The following OR3A2 variants were observed in gnomAD, a reference collection of about 807,000 sequenced individuals.
The protein encoded by OR3A2 is olfactory receptor 3A2.
For missense variants in OR3A2, 318 were observed against 392.8 expected (o/e 0.81, Z 1.61); for synonymous variants, 126 against 159.3 (o/e 0.79, Z 1.57).
At chr17:3,314,887 T>C (rs1156364471) in intron 3 of OR3A2, among the ~76,000 whole-genome samples, 1 of 152,164 alleles carries the variant, frequency 6.6e-6, no homozygotes, top group Non-Finnish European at 1.5e-5. Context: ...TGTTCTCATA[T>C]TTATGTCCAT....
intron 3 of OR3A2, among the ~76,000 whole-genome samples, chr17:3,333,437 T>C (rs2049255373): frequency 2.0e-5 from 3 of 152,210 alleles, no homozygotes; most frequent in African/African-American, 4.8e-5. Flanking sequence ...GTGATCTTTA[T>C]TGGCCTCAGA....
chr17:3,304,613 T>G (rs1453592794), intron 3 of OR3A2, among the ~76,000 whole-genome samples: 1 of 152,236 alleles, frequency 6.6e-6, no homozygotes, highest in East Asian at 1.9e-4. Flanking sequence ...TTCATCATCA[T>G]GGCCAGAGTA....
chr17:3,286,292 C>A (rs1045801607), upstream of OR3A2, among the ~76,000 whole-genome samples: 5 of 152,186 alleles, frequency 3.3e-5, no homozygotes, highest in African/African-American at 1.2e-4. Context: ...ATATGTGCCA[C>A]ATTTTCTTTA....
chr17:3,317,994 T>A (rs1269748964), intron 3 of OR3A2, among the ~76,000 whole-genome samples: 1 of 151,982 alleles, frequency 6.6e-6, no homozygotes, highest in Non-Finnish European at 1.5e-5. Flanking sequence ...CCACTTCAGT[T>A]TATTTTGGCG....
intron 3 of OR3A2, among the ~76,000 whole-genome samples, chr17:3,326,521 T>C (rs986361293): frequency 2.0e-5 from 3 of 151,762 alleles, no homozygotes; most frequent in Non-Finnish European, 4.4e-5. Context: ...AAATTAATAC[T>C]TTTATAATTT....
intron 3 of OR3A2, among the ~76,000 whole-genome samples, chr17:3,333,895 A>G (rs888600155): frequency 2.6e-5 from 4 of 152,196 alleles, no homozygotes; most frequent in African/African-American, 9.7e-5. Flanking sequence ...AAGGAACTTA[A>G]ACAAATTTAC....
At chr17:3,335,512 T>C (rs1365035709) in intron 3 of OR3A2, among the ~76,000 whole-genome samples, 2 of 152,246 alleles carry the variant, frequency 1.3e-5, no homozygotes, top group South Asian at 2.1e-4. Flanking sequence ...AATTTATGCA[T>C]ATATTAAATT....
At chr17:3,288,484 T>C (rs804242), upstream of OR3A2, among the ~76,000 whole-genome samples, 112,891 of 151,926 alleles carry the variant, frequency 0.74, 42,508 homozygotes, top group East Asian at 1. Context: ...AAGCGATGTT[T>C]GCACAACACA....
intron 3 of OR3A2, among the ~76,000 whole-genome samples, chr17:3,319,150 C>A (rs1354457238): frequency 6.6e-6 from 1 of 152,044 alleles, no homozygotes; most frequent in Non-Finnish European, 1.5e-5. Context: ...CTAATTAATT[C>A]ATTTATTTAG....
chr17:3,323,634 T>A (rs375474872), intron 3 of OR3A2, among the ~76,000 whole-genome samples: 1 of 152,126 alleles, frequency 6.6e-6, no homozygotes, highest in Non-Finnish European at 1.5e-5. Flanking sequence ...TTTGGCTGGA[T>A]ATGAAATTCT....
At chr17:3,323,999 C>G (rs2049148450) in intron 3 of OR3A2, among the ~76,000 whole-genome samples, 2 of 152,122 alleles carry the variant, frequency 1.3e-5, no homozygotes, top group African/African-American at 4.8e-5. Flanking sequence ...GTACACCAAT[C>G]AGACATAGAT....
At chr17:3,364,018 T>A (rs2049542018) in intron 2 of OR3A2, among the ~76,000 whole-genome samples, 4 of 152,164 alleles carry the variant, frequency 2.6e-5, no homozygotes, top group Admixed American at 2.0e-4. Flanking sequence ...CAATTCGACA[T>A]GAGATTTGGG....
chr17:3,317,315 G>T (rs28508449), intron 3 of OR3A2, among the ~76,000 whole-genome samples: 23,054 of 152,220 alleles, frequency 0.15, 2,321 homozygotes, highest in African/African-American at 0.28. Flanking sequence ...TTAGACTATG[G>T]TTGTAAAATC....
At position 3,346,951 on chromosome 17, in the gene OR3A2, A is replaced by C. The variant is rs9903713; in HGVS notation, c.-178-10825T>G. Among the ~76,000 whole-genome samples the C allele has an allele frequency of 1.7e-3, 254 of 152,276 alleles. 1 individual carries two copies. The highest frequency in any genetic ancestry group is 5.6e-3 in the African/African-American group (233 of 41,544). Reference sequence around the variant, plus strand: ...TCCATTTGTCTGTTGATGGACACTTAGGTTGCCTCCCAAAGCTTGGCTATT... The same window carrying C: ...TCCATTTGTCTGTTGATGGACACTTCGGTTGCCTCCCAAAGCTTGGCTATT... On this transcript the variant is annotated intron_variant, in intron 2 of 4. Transcript: ENST00000573491.
intron 3 of OR3A2, among the ~76,000 whole-genome samples, chr17:3,314,370 A>G (rs754980413): frequency 2.6e-5 from 4 of 152,258 alleles, no homozygotes; most frequent in Non-Finnish European, 4.4e-5. Context: ...CTATGCAAAT[A>G]TAAATAATTC....
intron 3 of OR3A2, among the ~76,000 whole-genome samples, chr17:3,323,125 T>C (rs1012042409): frequency 6.6e-6 from 1 of 152,172 alleles, no homozygotes; most frequent in Admixed American, 6.5e-5. Context: ...CGTTAAGTAA[T>C]GGCCTTGTCT....
intron 3 of OR3A2, among the ~76,000 whole-genome samples, chr17:3,293,568 A>G (rs1442525271): frequency 1.3e-5 from 2 of 152,196 alleles, no homozygotes; most frequent in African/African-American, 4.8e-5. Flanking sequence ...AAACCTGCAC[A>G]TCATATAAAC....
chr17:3,321,398 C>A (rs929420182), intron 3 of OR3A2, among the ~76,000 whole-genome samples: 2 of 152,026 alleles, frequency 1.3e-5, no homozygotes, highest in African/African-American at 4.8e-5. Flanking sequence ...TTGCCCTGGC[C>A]AGAACTTCCA....
intron 2 of OR3A2, among the ~76,000 whole-genome samples, chr17:3,347,863 A>G (rs1054310060): frequency 5.9e-5 from 9 of 152,238 alleles, no homozygotes; most frequent in African/African-American, 2.2e-4. Flanking sequence ...TCCCACCAAC[A>G]GTGTAAAAGT....
Sources: allele counts gnomAD v4.1 joint callset (sites outside exome capture counted in the v4.1 genomes callset), GRCh38; gene constraint gnomAD v4.1.1; transcripts MANE v1.5; gene names NCBI Gene and HGNC (gene_info 2026-07-23, HGNC 2026-07-21).